The following CSMD1 variants were observed in gnomAD, a reference collection of about 807,000 sequenced individuals.
CSMD1 encodes the protein CUB and Sushi multiple domains 1.
Under a neutral mutation model 417.5 loss-of-function variants are expected in CSMD1, and 213 were observed. The observed-to-expected ratio is 0.51, with a 90% CI of 0.46 to 0.57. The LOEUF (loss-of-function observed/expected upper bound fraction) is 0.57, where lower values mean the gene tolerates loss of function less well. Ranked by LOEUF, CSMD1 falls within the 20% of genes least tolerant of loss-of-function variation. The pLI is 0.00. For synonymous variants in CSMD1, 2,862 were observed against 1,736.8 expected, an observed-to-expected ratio of 1.65 and a Z score of -16.11; for missense variants, 6,923 against 4,529.7, an observed-to-expected ratio of 1.53 and a Z score of -15.17.
At chr8:4,727,739 T>G (rs754704136) in intron 1 of CSMD1, among the ~76,000 whole-genome samples, 1 of 152,110 alleles carries the variant, frequency 6.6e-6, no homozygotes, top group Non-Finnish European at 1.5e-5. Context: ...TTCCTCTTTT[T>G]CTTCTCTGAA....
chr8:3,997,668 G>A (rs536914580), intron 5 of CSMD1, among the ~76,000 whole-genome samples: 4 of 152,128 alleles, frequency 2.6e-5, no homozygotes, highest in Admixed American at 6.6e-5. Context: ...AGCACTACAA[G>A]TTCAAGCACA....
chr8:3,216,020 T>A lies in CSMD1; in HGVS notation c.4673-1329A>T, dbSNP rs1020786909. Among the ~76,000 whole-genome samples the A allele has an allele frequency of 1.3e-4, 20 of 149,136 alleles. 1 individual carries two copies. Among genetic ancestry groups the A allele is most frequent in the Admixed American group, 1.1e-3 (16 of 14,870 alleles). ...TATTTAATAAACTATATTTCCTATA[T>A]AATTTACATACTTTGATTAAATCTA... is the stretch of plus-strand genomic sequence containing the variant. On this transcript the variant is annotated intron_variant, in intron 29 of 69. Transcript: ENST00000635120.
At chr8:4,916,663 T>C (rs1307678473) in intron 1 of CSMD1, among the ~76,000 whole-genome samples, 23 of 151,962 alleles carry the variant, frequency 1.5e-4, no homozygotes, top group Admixed American at 1.4e-3. Context: ...ACACAAAGAG[T>C]CTAGGCATTT....
At chr8:4,449,558 G>C (rs893905269) in intron 2 of CSMD1, among the ~76,000 whole-genome samples, 1 of 152,160 alleles carries the variant, frequency 6.6e-6, no homozygotes, top group Non-Finnish European at 1.5e-5. Flanking sequence ...GATCCCAATG[G>C]ACTCATCTAA....
At chr8:3,887,000 C>G (rs1028300713) in intron 5 of CSMD1, among the ~76,000 whole-genome samples, 3 of 152,138 alleles carry the variant, frequency 2.0e-5, no homozygotes, top group African/African-American at 7.2e-5. Context: ...GCATTGATCA[C>G]CTGGTACCAC....
Position 4,486,176 on chromosome 8 carries a change from C to T in CSMD1, c.303-66111G>A, listed in dbSNP as rs1313951486. Reference sequence around the variant, plus strand: ...ATATATACATACATATATATATATACATACATATATATATATATATATACA... The same window carrying T: ...ATATATACATACATATATATATATATATACATATATATATATATATATACA... On this transcript the variant is annotated intron_variant, in intron 2 of 69. Transcript: ENST00000635120. Among the ~76,000 whole-genome samples the T allele has an allele frequency of 5.6e-3, 58 of 10,274 alleles. 2 individuals are homozygous for T. Among genetic ancestry groups the T allele is most frequent in the African/African-American group, 0.018 (45 of 2,520 alleles). 6.7% of individuals were successfully genotyped at this position (10,274 alleles called of 152,430 possible).
intron 4 of CSMD1, among the ~76,000 whole-genome samples, chr8:4,012,290 C>G (rs1443804548): frequency 6.6e-6 from 1 of 152,088 alleles, no homozygotes; most frequent in Non-Finnish European, 1.5e-5. Context: ...GTCATCATGC[C>G]AGTTTCATTT....
intron 3 of CSMD1, among the ~76,000 whole-genome samples, chr8:4,291,935 A>T (rs1464910148): frequency 2.0e-5 from 3 of 152,202 alleles, no homozygotes; most frequent in Non-Finnish European, 4.4e-5. Flanking sequence ...CCTATGTGAA[A>T]AAGCAGGCAG....
intron 10 of CSMD1, among the ~76,000 whole-genome samples, chr8:3,527,699 A>T (rs1351202670): frequency 1.3e-5 from 2 of 152,160 alleles, no homozygotes; most frequent in African/African-American, 4.8e-5. Context: ...GCTTAGAGCA[A>T]TGTGACCCTT....
At chr8:3,598,264 A>C (rs1184722526) in intron 8 of CSMD1, 1 of 152,158 alleles carries the variant, frequency 6.6e-6, no homozygotes, top group Non-Finnish European at 1.5e-5. Flanking sequence ...TCCAGCTGTA[A>C]ACATCCCCAG....
At chr8:3,858,403 G>A (rs555317518) in intron 5 of CSMD1, among the ~76,000 whole-genome samples, 1 of 152,086 alleles carries the variant, frequency 6.6e-6, no homozygotes, top group African/African-American at 2.4e-5. Flanking sequence ...ATTCTATGCT[G>A]TTTCTTACCT....
chr8:4,854,085 G>C (rs565610990), intron 1 of CSMD1, among the ~76,000 whole-genome samples: 15 of 152,264 alleles, frequency 9.9e-5, no homozygotes, highest in South Asian at 8.3e-4. Context: ...CTCCAGAAGA[G>C]ACATTGGACA....
intron 1 of CSMD1, among the ~76,000 whole-genome samples, chr8:4,931,179 T>G (rs994183779): frequency 6.6e-6 from 1 of 152,244 alleles, no homozygotes; most frequent in Admixed American, 6.5e-5. Context: ...ATAAAGTTAT[T>G]TGGGGCAGTC....
At chr8:3,836,735 C>G (rs1444576655) in intron 5 of CSMD1, among the ~76,000 whole-genome samples, 1 of 151,980 alleles carries the variant, frequency 6.6e-6, no homozygotes, top group African/African-American at 2.4e-5. Flanking sequence ...TTTCAAGAGA[C>G]AATGAAATTC....
At chr8:3,940,993 G>C (rs1304403300) in intron 5 of CSMD1, among the ~76,000 whole-genome samples, 2 of 149,132 alleles carry the variant, frequency 1.3e-5, no homozygotes, top group Admixed American at 1.4e-4. Flanking sequence ...TTATTTTTTG[G>C]AGGCATAATA....
At chr8:3,104,686 T>C (rs1308735719) in intron 46 of CSMD1, among the ~76,000 whole-genome samples, 1 of 150,656 alleles carries the variant, frequency 6.6e-6, no homozygotes, top group Non-Finnish European at 1.5e-5. Flanking sequence ...ATGCACAAAG[T>C]TATCAGACTT....
intron 7 of CSMD1, among the ~76,000 whole-genome samples, chr8:3,620,841 T>C (rs1802388916): frequency 6.6e-6 from 1 of 152,140 alleles, no homozygotes; most frequent in African/African-American, 2.4e-5. Flanking sequence ...TAAATATAAA[T>C]TGATTTAACG....
At chr8:4,452,418 C>G (rs1191230167) in intron 2 of CSMD1, among the ~76,000 whole-genome samples, 2 of 152,314 alleles carry the variant, frequency 1.3e-5, no homozygotes, top group South Asian at 4.1e-4. Flanking sequence ...CATGTTCTTA[C>G]ACGGTGATTC....
At chr8:3,359,039 C>A in intron 21 of CSMD1, 113 bp downstream of exon 21, 3 of 949,172 alleles carry the variant, frequency 3.2e-6, no homozygotes, top group Non-Finnish European at 4.8e-6. Context: ...CACACTTTCA[C>A]CCTCTCCTTC....
Sources: allele counts gnomAD v4.1 joint callset (sites outside exome capture counted in the v4.1 genomes callset), GRCh38; gene constraint gnomAD v4.1.1; transcripts MANE v1.5; gene names NCBI Gene and HGNC (gene_info 2026-07-23, HGNC 2026-07-21).